Variants in MYT1L observed in about 807,000 individuals in gnomAD.
MYT1L encodes myelin transcription factor 1-like protein.
In MYT1L, 12 loss-of-function variants were observed where a neutral mutation model predicts 126.7. The ratio of observed to expected loss-of-function variants is 0.09; its 90% CI spans 0.06 to 0.15. MYT1L has a LOEUF of 0.15. Among genes scored for constraint, MYT1L ranks in the 10% least tolerant of loss-of-function variants. The probability of loss-of-function intolerance (pLI) is 1.00; values close to 1 mark genes in which losing one functional copy is unlikely to be tolerated. For missense variants in MYT1L, 979 were observed against 1,585.2 expected (o/e 0.62, Z 6.49); for synonymous variants, 541 against 604.2 (o/e 0.90, Z 1.53).
chr2:2,217,184 T>C (rs2093700552), intron 2 of MYT1L, among the ~76,000 whole-genome samples: 1 of 152,066 alleles, frequency 6.6e-6, no homozygotes, highest in African/African-American at 2.4e-5. Flanking sequence ...ATTTCTCAGA[T>C]AACTAAATCA....
intron 19 of MYT1L, among the ~76,000 whole-genome samples, chr2:1,844,293 G>A (rs2042218739): frequency 6.6e-6 from 1 of 152,146 alleles, no homozygotes; most frequent in East Asian, 1.9e-4. Flanking sequence ...TGCATGGCTG[G>A]AACCTTTATA....
chr2:2,193,530 C>T (rs2092683668), intron 2 of MYT1L, among the ~76,000 whole-genome samples: 1 of 152,166 alleles, frequency 6.6e-6, no homozygotes. Context: ...GGTTTGTTCT[C>T]CACAGTCCCA....
chr2:2,256,163 G>A (rs922422450), intron 2 of MYT1L, among the ~76,000 whole-genome samples: 4 of 152,216 alleles, frequency 2.6e-5, no homozygotes, highest in African/African-American at 9.6e-5. Context: ...CTGTAGATGT[G>A]AGCACAGTGT....
At chr2:2,211,800 T>G (rs1439874159) in intron 2 of MYT1L, among the ~76,000 whole-genome samples, 1 of 115,332 alleles carries the variant, frequency 8.7e-6, no homozygotes, top group Non-Finnish European at 1.7e-5. Flanking sequence ...AGAGACTCCA[T>G]GTCAAAAAAA....
Position 2,108,142 on chromosome 2 carries a change from G to A in MYT1L, c.-303-54019C>T, listed in dbSNP as rs775303419. 7.2e-5 allele frequency among the ~76,000 whole-genome samples: 11 copies of A among 152,234 alleles called. No individual in the cohort carries two copies. In the South Asian group the frequency reaches 1.2e-3, roughly 17 times the overall value. The stretch of plus-strand genomic sequence containing the variant: ...AAGCCCCCTTATTCGGAGGGTGTCC[G>A]TGCTGTGAACGCCTCACCTGAGTGG... On this transcript the variant is annotated intron_variant, in intron 3 of 24. Transcript: ENST00000647738.
intron 2 of MYT1L, among the ~76,000 whole-genome samples, chr2:2,235,392 CT>C (rs2094268256): frequency 1.5e-5 from 1 of 65,026 alleles, no homozygotes; most frequent in African/African-American, 6.8e-5. Context: ...GTGTGTGTAG[CT>C]GGTTAGCTGG....
intron 4 of MYT1L, among the ~76,000 whole-genome samples, chr2:2,037,885 A>T (rs1268442467): frequency 6.6e-6 from 1 of 152,162 alleles, no homozygotes; most frequent in Non-Finnish European, 1.5e-5. Flanking sequence ...AAAACTATAC[A>T]TTCAAAACTA....
intron 2 of MYT1L, among the ~76,000 whole-genome samples, chr2:2,187,312 C>G (rs1221014073): frequency 6.6e-6 from 1 of 152,118 alleles, no homozygotes; most frequent in Non-Finnish European, 1.5e-5. Context: ...CTCCAGCAAT[C>G]ACGGGCACAA....
At chr2:1,796,565 G>C (rs1408802147) in intron 23 of MYT1L, among the ~76,000 whole-genome samples, 1 of 152,148 alleles carries the variant, frequency 6.6e-6, no homozygotes, top group Non-Finnish European at 1.5e-5. Flanking sequence ...ACCAGGAGCT[G>C]GGGGGTTTCT....
chr2:2,135,118 CTG>C (rs1228722415), intron 3 of MYT1L, among the ~76,000 whole-genome samples: 1 of 152,162 alleles, frequency 6.6e-6, no homozygotes, highest in Admixed American at 6.5e-5. Flanking sequence ...ATCAAGCTAT[CTG>C]TGTGATATGG....
intron 2 of MYT1L, among the ~76,000 whole-genome samples, chr2:2,231,539 C>G (rs1396608729): frequency 6.6e-6 from 1 of 152,076 alleles, no homozygotes; most frequent in African/African-American, 2.4e-5. Context: ...CTTCCACCTC[C>G]CAGGCTCAAG....
intron 18 of MYT1L, among the ~76,000 whole-genome samples, 196 bp from the exon 19 acceptor site, chr2:1,851,899 G>A (rs1204822824): frequency 1.3e-5 from 2 of 152,156 alleles, no homozygotes; most frequent in Non-Finnish European, 2.9e-5. Flanking sequence ...AGCACCGGGA[G>A]CTTCGTGGCT....
At chr2:1,942,228 G>T (rs949065613) in intron 9 of MYT1L, among the ~76,000 whole-genome samples, 3 of 152,196 alleles carry the variant, frequency 2.0e-5, no homozygotes, top group Admixed American at 6.5e-5. Context: ...CAGAAGAAAT[G>T]ACTTCTATGA....
intron 2 of MYT1L, among the ~76,000 whole-genome samples, chr2:2,185,931 TCTGTGAGGCGG>T: frequency 8.4e-6 from 1 of 119,110 alleles, no homozygotes; most frequent in Non-Finnish European, 1.7e-5. Flanking sequence ...CCGCGTTCCT[TCTGTGAGGCGG>T]ACGCAGCCGG....
Position 1,929,590 on chromosome 2 carries a change from T to C in MYT1L, c.506-6327A>G, listed in dbSNP as rs2054685701. 6.6e-6 allele frequency among the ~76,000 whole-genome samples: 1 copy of C among 152,214 alleles called. No homozygotes were observed. Among genetic ancestry groups the C allele is most frequent in the Non-Finnish European group, 1.5e-5 (1 of 68,044 alleles). ...CCAGTATCATAGGAAATTTTCAGAA[T>C]AGTCTGTCCATATGCACAGTTCAGT... On this transcript the variant is annotated intron_variant, in intron 9 of 24. Transcript: ENST00000647738. The surrounding 1 kb of genome is among the most constrained non-coding windows in gnomAD (Gnocchi z 4.7).
At chr2:1,868,073 T>C (rs549746372) in intron 18 of MYT1L, among the ~76,000 whole-genome samples, 6 of 152,144 alleles carry the variant, frequency 3.9e-5, no homozygotes, top group Admixed American at 6.5e-5. Context: ...TTCAGGTGAT[T>C]CCCCTGCCTC....
At chr2:1,868,460 A>G (rs7584801) in intron 18 of MYT1L, among the ~76,000 whole-genome samples, 4 of 131,226 alleles carry the variant, frequency 3.0e-5, no homozygotes, top group African/African-American at 5.9e-5. Flanking sequence ...AGGAAGGAAG[A>G]AACCCTTGAT....
intron 2 of MYT1L, among the ~76,000 whole-genome samples, chr2:2,265,719 A>C (rs1288069107): frequency 6.6e-6 from 1 of 152,228 alleles, no homozygotes; most frequent in Non-Finnish European, 1.5e-5. Context: ...GATATTTTAT[A>C]TGGTTTTGGT....
intron 1 of MYT1L, among the ~76,000 whole-genome samples, chr2:2,310,502 G>C (rs1277615806): frequency 6.6e-6 from 1 of 152,062 alleles, no homozygotes; most frequent in Admixed American, 6.6e-5. Flanking sequence ...ATGCTCTGTT[G>C]TCTAATCAAA....
Sources: gnomAD v4.1 joint callset for allele counts (sites outside exome capture counted in the v4.1 genomes callset) on GRCh38, gnomAD v4.1.1 for gene constraint, Gnocchi (gnomAD v3.1) non-coding constraint, MANE v1.5 for transcripts, NCBI Gene and HGNC (gene_info 2026-07-23, HGNC 2026-07-21) for gene names.